WNK2: variants seen among roughly 807,000 people sequenced by gnomAD.
The protein encoded by WNK2 is WNK lysine deficient protein kinase 2, also known as serine/threonine-protein kinase WNK2.
Under a neutral mutation model 192.1 loss-of-function variants are expected in WNK2, and 67 were observed. The ratio of observed to expected loss-of-function variants is 0.35; its 90% CI spans 0.29 to 0.43. The LOEUF (loss-of-function observed/expected upper bound fraction) is 0.43, where lower values mean the gene tolerates loss of function less well. Among genes scored for constraint, WNK2 ranks in the 20% least tolerant of loss-of-function variants. WNK2 has a pLI of 1.00. For missense variants in WNK2, 2,698 were observed against 3,089.7 expected (o/e 0.87, Z 3.01); for synonymous variants, 1,439 against 1,393.9 (o/e 1.03, Z -0.72).
intron 9 of WNK2, among the ~76,000 whole-genome samples, chr9:93,253,978 G>A (rs1326872090): frequency 8.5e-5 from 13 of 152,050 alleles, no homozygotes; most frequent in Non-Finnish European, 7.4e-5. Flanking sequence ...GTGCAGTGGC[G>A]TGATCTCAGC....
intron 14 of WNK2, among the ~76,000 whole-genome samples, chr9:93,263,054 T>TACAG (rs1306805041): frequency 6.6e-6 from 1 of 152,120 alleles, no homozygotes; most frequent in African/African-American, 2.4e-5. Context: ...GCCCCCTGTG[T>TACAG]ACAGGGCTGA....
intron 28 of WNK2, chr9:93,317,197 T>C: frequency 2.2e-6 from 1 of 458,166 alleles, no homozygotes; most frequent in South Asian, 2.3e-5. Flanking sequence ...GGTGGCTGAG[T>C]AGAGGCATGT....
intron 27 of WNK2, chr9:93,308,104 C>T: frequency 1.1e-6 from 1 of 872,494 alleles, no homozygotes; most frequent in South Asian, 1.8e-5. Context: ...GGCCTGGCTT[C>T]TGAGGTGGGT....
rs1839036659 is a variant in WNK2, at chr9:93,232,689, T to G, written c.1075+1581T>G. 2.0e-5 allele frequency among the ~76,000 whole-genome samples: 3 copies of G among 152,174 alleles called. No homozygotes were observed. The South Asian group carries it at 6.2e-4, about 32-fold the overall frequency. On this transcript the variant is annotated intron_variant, in intron 4 of 29. Coordinates refer to ENST00000427277, the MANE Select transcript of WNK2 (RefSeq NM_006648.4). ...TCTTTGCCCTCTTGGAAACGAAGTT[T>G]CGAGTTGCTGGATCAGGTTGAGATG...
At position 93,214,299 on chromosome 9, in the gene WNK2, A is replaced by ATATT. The variant is rs1168612501; in HGVS notation, c.682-15379_682-15376dup. Reference sequence around the variant, plus strand: ...TCACTTTATTATTTTTTATTTTTATATATTTATTTATTTATTTATTTTGAG... The same window carrying ATATT: ...TCACTTTATTATTTTTTATTTTTATATATTTATTTATTTATTTATTTATTTTGAG... On this transcript the variant is annotated intron_variant, in intron 2 of 29. Transcript: ENST00000427277. 5.3e-5 allele frequency among the ~76,000 whole-genome samples: 8 copies of ATATT among 150,882 alleles called. No homozygotes were observed. In the East Asian group the frequency reaches 5.8e-4, roughly 11 times the overall value.
Position 93,268,701 on chromosome 9 carries a change from T to C in WNK2, c.3988T>C (p.Ser1330Pro), listed in dbSNP as rs755133004. ...CCCCGCCCCCGAGGCCCCTGAATCT[T>C]CGCCCCCACTTCCTCTAAGCTCCCT... ...EHPAPEAPES[S>P]PPLPLSSLPP... Residue 1330 changes from serine (S) to proline (P), a missense_variant, in exon 19 of 30, where the codon TCG (serine) becomes CCG (proline). Ser to Pro is a moderately conservative substitution (Grantham distance 74). Transcript: ENST00000427277. 6.2e-7 allele frequency: 1 copy of C among 1,613,422 alleles called. No homozygotes were observed. The highest frequency in any genetic ancestry group is 1.1e-5 in the South Asian group (1 of 91,002).
At chr9:93,288,199 T>C (rs1774096842) in intron 19 of WNK2, among the ~76,000 whole-genome samples, 1 of 152,158 alleles carries the variant, frequency 6.6e-6, no homozygotes, top group Non-Finnish European at 1.5e-5. Flanking sequence ...ACTGGGAGAC[T>C]TGGTTATACT....
chr9:93,273,297 G>A (rs566829775), intron 19 of WNK2, among the ~76,000 whole-genome samples: 3 of 152,230 alleles, frequency 2.0e-5, no homozygotes, highest in East Asian at 3.9e-4. Flanking sequence ...AGCTAGGACT[G>A]CAGGCACACA....
rs1387383599 is a variant in WNK2 at position 93,185,036 on chromosome 9, CG to C, written c.111del (p.Gln39SerfsTer9). On this transcript the variant is annotated frameshift_variant, in exon 2 of 30. Transcript: ENST00000427277. LOFTEE classifies it high-confidence loss of function. ...GAGCCTCGGGCGAAGGCGGCGCGGC[CG>C]GGGCCCCAGCGCTTTCTGCGGCGCA... is the stretch of plus-strand genomic sequence containing the variant. ...MAEPRAKAARPGPQRFLRRSV... is the reference protein window; with the variant it reads ...MAEPRAKAARXGPQRFLRRSV... The C allele has an allele frequency of 4.7e-6, 6 of 1,271,822 alleles. No individual in the cohort carries two copies. The highest frequency in any genetic ancestry group is 2.6e-5 in the South Asian group (1 of 38,498). 78.8% of individuals were successfully genotyped at this position (1,271,822 alleles called of 1,614,324 possible).
intron 2 of WNK2, among the ~76,000 whole-genome samples, chr9:93,228,890 G>A (rs1426230572): frequency 1.3e-5 from 2 of 152,128 alleles, no homozygotes; most frequent in African/African-American, 4.8e-5. Flanking sequence ...GGTGGTGGGA[G>A]TCAGAGGGGA....
At chr9:93,214,274 T>C (rs1835297109) in intron 2 of WNK2, among the ~76,000 whole-genome samples, 1 of 151,750 alleles carries the variant, frequency 6.6e-6, no homozygotes, top group East Asian at 1.9e-4. Flanking sequence ...TTCTTCATCA[T>C]CACTTTATTA....
At chr9:93,225,280 C>T (rs558989976) in intron 2 of WNK2, among the ~76,000 whole-genome samples, 22 of 152,238 alleles carry the variant, frequency 1.4e-4, no homozygotes, top group Middle Eastern at 6.8e-3. Flanking sequence ...CCTGTAGTCC[C>T]TGCTACTCAA....
chr9:93,230,104 C>A (rs2132018181), intron 3 of WNK2, among the ~76,000 whole-genome samples: 1 of 152,242 alleles, frequency 6.6e-6, no homozygotes, highest in East Asian at 1.9e-4. Flanking sequence ...TGCCTGGGAG[C>A]CAGCCCGGCA....
chr9:93,292,974 G>C lies in WNK2; in HGVS notation c.5509G>C (p.Val1837Leu), dbSNP rs572566317. ...GAGTGGCAGCGTGGCTGGCGACTTC[G>C]TGAAGAAGGCCACCGCCTTCCTGCA... ...PVSGSVAGDFVKKATAFLQRP... is the reference protein window; with the variant it reads ...PVSGSVAGDFLKKATAFLQRP... The change falls in exon 23 of 30, where the codon GTG becomes CTG. Residue 1837 changes from valine (V) to leucine (L), a missense_variant. By Grantham distance (32) the Val-to-Leu change is conservative. This residue lies in a region of WNK2 where 1,098 missense variants were observed against 1,101.0 expected (regional missense o/e 1.00). Coordinates refer to ENST00000427277, the MANE Select transcript of WNK2 (RefSeq NM_006648.4). 6.5e-7 allele frequency: 1 copy of C among 1,544,034 alleles called. No individual in the cohort carries two copies. Among genetic ancestry groups the C allele is most frequent in the Admixed American group, 2.0e-5 (1 of 49,424 alleles).
intron 29 of WNK2, 28 bp downstream of exon 29, chr9:93,317,659 C>T (rs1045988854): frequency 3.7e-6 from 6 of 1,604,532 alleles, no homozygotes; most frequent in Non-Finnish European, 5.1e-6. Context: ...CTCCCAACCC[C>T]ACCCTGTGCG....
In WNK2 at chr9:93,239,212, C is replaced by G. The variant is rs762552235; in HGVS notation, c.1323-545C>G. 6.6e-6 allele frequency among the ~76,000 whole-genome samples: 1 copy of G among 152,216 alleles called. No individual in the cohort carries two copies. Among genetic ancestry groups the G allele is most frequent in the East Asian group, 1.9e-4 (1 of 5,194 alleles). ...GAGGCTGGGTCTGGCTGGGGCCCCC[C>G]CAGTTCTGCAGGTCCTCACTCTCCT... is the stretch of plus-strand genomic sequence containing the variant. On this transcript the variant is annotated intron_variant, in intron 6 of 29. Transcript: ENST00000427277. This position sits in a 1 kb window ranked among gnomAD's most constrained non-coding sequence, Gnocchi z 4.2.
intron 28 of WNK2, among the ~76,000 whole-genome samples, chr9:93,314,458 A>C (rs1441524200): frequency 6.7e-6 from 1 of 149,612 alleles, no homozygotes; most frequent in East Asian, 2.0e-4. Flanking sequence ...AAAAAAAAAA[A>C]CAGCTGGGCA....
At chr9:93,268,190 C>T in intron 18 of WNK2, 125 bp downstream of exon 18, 2 of 1,308,928 alleles carry the variant, frequency 1.5e-6, no homozygotes, top group African/African-American at 1.5e-5. Flanking sequence ...CCAGGGGCCC[C>T]AGTCTGGGGA....
chr9:93,203,903 G>A (rs756105301), intron 2 of WNK2, among the ~76,000 whole-genome samples: 2 of 152,154 alleles, frequency 1.3e-5, no homozygotes, highest in African/African-American at 2.4e-5. Context: ...ACATGGTGCA[G>A]TTGGGGCCAG....
Sources: allele counts gnomAD v4.1 joint callset (sites outside exome capture counted in the v4.1 genomes callset), GRCh38; gene constraint gnomAD v4.1.1; regional missense constraint gnomAD v4.1.1; non-coding constraint Gnocchi (gnomAD v3.1); transcripts MANE v1.5; gene names NCBI Gene and HGNC (gene_info 2026-07-23, HGNC 2026-07-21).